SMC3: variants seen among roughly 807,000 people sequenced by gnomAD.
SMC3 encodes structural maintenance of chromosomes 3.
SMC3 carries 20 observed loss-of-function variants against 171.8 expected under a neutral mutation model. The observed-to-expected ratio is 0.12, with a 90% CI of 0.08 to 0.17. The LOEUF (loss-of-function observed/expected upper bound fraction) is 0.17, where lower values mean the gene tolerates loss of function less well. SMC3 is among the 10% of genes least tolerant of loss of function. The pLI, the probability that SMC3 is intolerant of heterozygous loss-of-function variation, is 1.00. For missense variants in SMC3, 543 were observed against 1,420.4 expected (o/e 0.38, Z 9.93); for synonymous variants, 464 against 451.1 (o/e 1.03, Z -0.36).
chr10:110,601,937 T>C (rs1861394128), intron 24 of SMC3, 29 bp from the exon 25 acceptor site: 1 of 1,608,680 alleles, frequency 6.2e-7, no homozygotes, highest in Non-Finnish European at 8.5e-7. Context: ...ATAAATTTAT[T>C]TATATGAATA....
intron 7 of SMC3, among the ~76,000 whole-genome samples, chr10:110,579,043 CTAAT>C (rs1011967245): frequency 6.6e-5 from 10 of 152,240 alleles, no homozygotes; most frequent in African/African-American, 2.2e-4. Context: ...TTTGTGTTAC[CTAAT>C]TATTTATCAC....
chr10:110,575,820 G>A (rs1860938394), intron 4 of SMC3, among the ~76,000 whole-genome samples: 1 of 152,318 alleles, frequency 6.6e-6, no homozygotes, highest in African/African-American at 2.4e-5. Flanking sequence ...TTTCTTTAAG[G>A]ATGTGATCTG....
chr10:110,570,877 G>A (rs976683707), intron 2 of SMC3, among the ~76,000 whole-genome samples: 3 of 152,152 alleles, frequency 2.0e-5, no homozygotes, highest in South Asian at 2.1e-4. Flanking sequence ...AACCAGACAC[G>A]TTGTAAGACA....
chr10:110,604,437 C>G lies in SMC3; in HGVS notation c.*135C>G. ...AGCATCATAGTCCTTTTATATTTGT[C>G]TTTGTATTTTATAAGATACTCTGTA... On this transcript the variant is annotated 3_prime_UTR_variant, in exon 29 of 29. Transcript: ENST00000361804. 3.0e-6 allele frequency: 2 copies of G among 655,968 alleles called. No homozygotes were observed. The highest frequency in any genetic ancestry group is 3.4e-5 in the South Asian group (2 of 58,896). 40.6% of individuals were successfully genotyped at this position (655,968 alleles called of 1,614,324 possible). A position where few individuals can be genotyped will look rare whatever the true frequency, so the allele number is the denominator to read the frequency against.
chr10:110,604,186 A>C lies in SMC3; in HGVS notation c.3583-45A>C, dbSNP rs773103583. The stretch of plus-strand genomic sequence containing the variant: ...TATATTTACCCTATACAATGTAAAC[A>C]CTGATGTAATTAACAGATTTTTGTT... On this transcript the variant is annotated intron_variant, in intron 28 of 28. Transcript: ENST00000361804. 8.5e-6 allele frequency: 10 copies of C among 1,182,500 alleles called. No individual in the cohort carries two copies. In the African/African-American group the frequency reaches 1.5e-4, roughly 18 times the overall value. 73.3% of individuals were successfully genotyped at this position (1,182,500 alleles called of 1,614,324 possible).
intron 25 of SMC3, 55 bp from the exon 26 acceptor site, chr10:110,602,419 A>C: frequency 7.3e-7 from 1 of 1,365,460 alleles, no homozygotes; most frequent in Non-Finnish European, 1.0e-6. Flanking sequence ...ATTTTACTTA[A>C]GTGTTATATA....
At chr10:110,589,831 T>C in intron 14 of SMC3, 61 bp from the exon 15 acceptor site, 1 of 1,524,862 alleles carries the variant, frequency 6.6e-7, no homozygotes, top group Middle Eastern at 1.8e-4. Context: ...CTAAACTGTA[T>C]ACTGTTAATG....
intron 2 of SMC3, among the ~76,000 whole-genome samples, chr10:110,571,033 C>T (rs573856577): frequency 3.7e-4 from 57 of 152,146 alleles, no homozygotes; most frequent in Non-Finnish European, 8.1e-4. Context: ...CAAACATATA[C>T]GTTTTTAGGG....
intron 13 of SMC3, among the ~76,000 whole-genome samples, chr10:110,585,315 A>C (rs1861094300): frequency 7.7e-6 from 1 of 130,182 alleles, no homozygotes; most frequent in Admixed American, 8.3e-5. Flanking sequence ...TTTTAATACG[A>C]GTCTCACTGT....
rs1190492534 is a variant in SMC3 at position 110,567,705 on chromosome 10, GGGGA to G, written c.-110_-107del. On this transcript the variant is annotated 5_prime_UTR_variant, in exon 1 of 29. Transcript: ENST00000361804. ...GAGCGCCGCCATTTTGTTTGGCTGA[GGGGA>G]GCGAGCGGCGCTTTGGGGGAGGGGT... 1 of 1,339,102 alleles carries G rather than the reference GGGGA, an allele frequency of 7.5e-7. No individual in the cohort carries two copies. The highest frequency in any genetic ancestry group is 1.4e-5 in the African/African-American group (1 of 69,380). The allele number at this position is 1,339,102 out of a possible 1,614,324, so 83.0% of individuals were successfully genotyped here.
At chr10:110,591,435 G>A (rs1251284096) in intron 17 of SMC3, among the ~76,000 whole-genome samples, 1 of 152,188 alleles carries the variant, frequency 6.6e-6, no homozygotes, top group Non-Finnish European at 1.5e-5. Flanking sequence ...CAAATGTGCA[G>A]TGTTAAAAGC....
chr10:110,599,559 ATATT>A, intron 20 of SMC3, 91 bp from the exon 21 acceptor site: 1 of 1,104,372 alleles, frequency 9.1e-7, no homozygotes, highest in Non-Finnish European at 1.3e-6. Flanking sequence ...ATATGTCTAT[ATATT>A]TAGCTCAATC....
At chr10:110,578,534 T>C in intron 6 of SMC3, 94 bp from the exon 7 acceptor site, 1 of 831,584 alleles carries the variant, frequency 1.2e-6, no homozygotes, top group Non-Finnish European at 2.0e-6. Context: ...TGATCTTTCC[T>C]CCCTAATGCT....
At chr10:110,589,233 CAAAAAACAA>C (rs1861171192) in intron 13 of SMC3, among the ~76,000 whole-genome samples, 1 of 151,540 alleles carries the variant, frequency 6.6e-6, no homozygotes, top group East Asian at 1.9e-4. Context: ...ACTAAAAATA[CAAAAAACAA>C]AAAAAACAAA....
chr10:110,568,904 G>C, intron 1 of SMC3, 34 bp from the exon 2 acceptor site: 1 of 1,174,202 alleles, frequency 8.5e-7, no homozygotes, highest in Non-Finnish European at 1.3e-6. Context: ...TTTTTTTGTG[G>C]GGTGGGTTCT....
chr10:110,603,104 G>T (rs1421899146), intron 27 of SMC3, 80 bp from the exon 28 acceptor site: 1 of 1,526,584 alleles, frequency 6.6e-7, no homozygotes, highest in South Asian at 1.1e-5. Flanking sequence ...TTGAATTTTA[G>T]TAAGAGTAAA....
chr10:110,582,459 A>C, intron 9 of SMC3, 103 bp from the exon 10 acceptor site: 1 of 802,488 alleles, frequency 1.2e-6, no homozygotes, highest in Admixed American at 2.8e-5. Context: ...AAATTTGAGC[A>C]GTTACTTTTG....
Position 110,601,836 on chromosome 10 carries a change from A to C in SMC3, c.2844A>C (p.Ser948=), listed in dbSNP as rs1861390782. The C allele has an allele frequency of 6.2e-7, 1 of 1,613,914 alleles. No homozygotes were observed. Among genetic ancestry groups the C allele is most frequent in the African/African-American group, 1.3e-5 (1 of 74,926 alleles). Residue 948 remains serine (S), a synonymous_variant, in exon 24 of 29, where the codon TCA becomes TCC. Coordinates refer to ENST00000361804, the MANE Select transcript of SMC3 (RefSeq NM_005445.4). ...TGAAGAAAATTCGAGAACTTGGATC[A>C]CTTCCCCAGGAAGCATTTGAAAAGT... ...ECMKKIRELG[S]LPQEAFEKYQ... is the part of the protein sequence containing the mutation.
At chr10:110,589,370 T>G (rs2134735282) in intron 13 of SMC3, among the ~76,000 whole-genome samples, 1 of 152,304 alleles carries the variant, frequency 6.6e-6, no homozygotes, top group Middle Eastern at 3.4e-3. Flanking sequence ...AGTATATAAT[T>G]TGATGAGTTT....
Sources: gnomAD v4.1 joint callset for allele counts (sites outside exome capture counted in the v4.1 genomes callset) on GRCh38, gnomAD v4.1.1 for gene constraint, MANE v1.5 for transcripts, NCBI Gene and HGNC (gene_info 2026-07-23, HGNC 2026-07-21) for gene names.